Variants in KAT6B observed in about 807,000 individuals in gnomAD.
KAT6B encodes lysine acetyltransferase 6B, also known as histone acetyltransferase KAT6B.
KAT6B carries 10 observed loss-of-function variants against 187.5 expected under a neutral mutation model. The observed-to-expected ratio is 0.05, with a 90% CI of 0.03 to 0.09. KAT6B has a LOEUF of 0.09. Among genes scored for constraint, KAT6B ranks in the 10% least tolerant of loss-of-function variants. KAT6B has a pLI of 1.00. For missense variants in KAT6B, 1,952 were observed against 2,558.9 expected, an observed-to-expected ratio of 0.76 and a Z score of 5.12; for synonymous variants, 861 against 926.8, an observed-to-expected ratio of 0.93 and a Z score of 1.29.
At chr10:75,020,837 C>T in intron 14 of KAT6B, 24 bp downstream of exon 14, 1 of 1,600,362 alleles carries the variant, frequency 6.2e-7, no homozygotes, top group Non-Finnish European at 8.6e-7. Context: ...CCCTGGGCAG[C>T]TCCGTGGCTC....
Position 75,030,358 on chromosome 10 carries a change from A to C in KAT6B, c.5534A>C (p.Asn1845Thr). ...TCCGCTGCTGTGACTTCCTATGCAA[A>C]CAGTGCCTCTTTGTCCACACCATTA... ...SHSAAVTSYA[N>T]SASLSTPLSN... Residue 1845 changes from asparagine to threonine, a missense_variant, in exon 18 of 18, where the codon AAC (asparagine) becomes ACC (threonine). Transcript: ENST00000287239. The surrounding 1 kb of genome is among the most constrained non-coding windows in gnomAD (Gnocchi z 4.8). 1 of 1,614,192 alleles carries C rather than the reference A, an allele frequency of 6.2e-7. No homozygotes were observed. The highest frequency in any genetic ancestry group is 1.1e-5 in the South Asian group (1 of 91,086).
Position 74,985,224 on chromosome 10 carries a change from G to A in KAT6B, c.2518G>A (p.Val840Ile). The A allele has an allele frequency of 6.2e-7, 1 of 1,614,022 alleles. No individual in the cohort carries two copies. ...TKNDEKGCHL[V>I]GYFSKEKLCQ... ...AAATGATGAAAAGGGCTGTCATCTGGTTGGATACTTCTCTAAGGTAAAACA... is the reference window on the plus strand; with the variant it reads ...AAATGATGAAAAGGGCTGTCATCTGATTGGATACTTCTCTAAGGTAAAACA... Residue 840 changes from valine to isoleucine, a missense_variant, in exon 12 of 18, where the codon GTT becomes ATT. Val to Ile is a conservative substitution (Grantham distance 29). Transcript: ENST00000287239.
At chr10:74,972,392 G>C in intron 6 of KAT6B, 115 bp from the exon 7 acceptor site, 1 of 753,518 alleles carries the variant, frequency 1.3e-6, no homozygotes, top group Non-Finnish European at 2.2e-6. Context: ...ATTTTTTGGA[G>C]TAAAGTTCAG....
chr10:74,857,593 A>G (rs1321447328), intron 3 of KAT6B, among the ~76,000 whole-genome samples: 1 of 152,220 alleles, frequency 6.6e-6, no homozygotes, highest in African/African-American at 2.4e-5. Flanking sequence ...TAGGAAGTAG[A>G]CATTTTTGGG....
chr10:74,950,206 A>G (rs1840222826), intron 3 of KAT6B, among the ~76,000 whole-genome samples: 2 of 152,362 alleles, frequency 1.3e-5, no homozygotes, highest in Non-Finnish European at 1.5e-5. Flanking sequence ...GTGTCTACTT[A>G]TGTCCAATTC....
chr10:74,833,865 T>A (rs756735697), intron 1 of KAT6B, among the ~76,000 whole-genome samples: 2 of 152,244 alleles, frequency 1.3e-5, no homozygotes, highest in Non-Finnish European at 2.9e-5. Flanking sequence ...AGTGTTACTC[T>A]AAAAAGATGG....
At chr10:74,844,184 T>G (rs554894229) in intron 3 of KAT6B, among the ~76,000 whole-genome samples, 2 of 151,686 alleles carry the variant, frequency 1.3e-5, no homozygotes, top group African/African-American at 4.8e-5. Context: ...AGACTTCTTA[T>G]TTTAATGGTG....
rs370039190 is a variant in KAT6B at position 74,829,456 on chromosome 10, G to GT, written c.-329+2687dup. Among the ~76,000 whole-genome samples the GT allele has an allele frequency of 8.8e-3, 1,234 of 139,962 alleles. 3 individuals carry two copies. Among genetic ancestry groups the GT allele is most frequent in the African/African-American group, 0.013 (516 of 38,620 alleles). The allele number at this position is 139,962 out of a possible 152,430, so 91.8% of individuals were successfully genotyped here. A position where few individuals can be genotyped will look rare whatever the true frequency, so the allele number is the denominator to read the frequency against. On this transcript the variant is annotated intron_variant, in intron 1 of 17. Coordinates refer to ENST00000287239, the MANE Select transcript of KAT6B (RefSeq NM_012330.4). ...ATTTGTACTGAGAGAAAAGGAAATA[G>GT]TTTTTTTTTTTTTTTTGAGACAGTC...
intron 13 of KAT6B, among the ~76,000 whole-genome samples, chr10:75,002,793 A>C (rs577474242): frequency 6.6e-6 from 1 of 152,366 alleles, no homozygotes; most frequent in Admixed American, 6.5e-5. Flanking sequence ...AAACATCATT[A>C]TGTGGTGCAT....
chr10:75,028,300 G>A (rs963042273), intron 17 of KAT6B, among the ~76,000 whole-genome samples, 189 bp from the exon 18 acceptor site: 3 of 152,056 alleles, frequency 2.0e-5, no homozygotes, highest in Non-Finnish European at 4.4e-5. Flanking sequence ...CCCAGGCCTA[G>A]GTTATTTACT....
intron 3 of KAT6B, among the ~76,000 whole-genome samples, chr10:74,875,144 T>C (rs1483134598): frequency 6.6e-6 from 1 of 152,212 alleles, no homozygotes; most frequent in Non-Finnish European, 1.5e-5. Context: ...TAATAGTCAT[T>C]TCAAGAACAA....
rs375472679 is a variant in KAT6B, at chr10:74,843,407, G to A, written c.550G>A (p.Ala184Thr). ...TTATGGGAGCTTAGATGGCAAAGGG[G>A]CACCTCAGTATCCCAGTGCATTCCC... Reference protein sequence around the residue: ...VNYGSLDGKGAPQYPSAFPSS... With the variant: ...VNYGSLDGKGTPQYPSAFPSS... The change falls in exon 3 of 18, where the codon GCA (alanine) becomes ACA (threonine). Residue 184 changes from alanine to threonine, a missense_variant. Coordinates refer to ENST00000287239, the MANE Select transcript of KAT6B (RefSeq NM_012330.4). The A allele has an allele frequency of 1.2e-5, 19 of 1,613,802 alleles. No homozygotes were observed. Among genetic ancestry groups the A allele is most frequent in the Non-Finnish European group, 1.6e-5 (19 of 1,179,966 alleles).
In KAT6B at chr10:74,909,192, G is replaced by A. The variant is rs565361403; in HGVS notation, c.622-50778G>A. On this transcript the variant is annotated intron_variant, in intron 3 of 17. Transcript: ENST00000287239. ...TCGAGACTAGCCTTGCCACAATGGC[G>A]AAACCCCATCTCTACTAAAAATACA... Among the ~76,000 whole-genome samples, 106 of 152,284 alleles carry A rather than the reference G, an allele frequency of 7.0e-4. 1 individual carries two copies. Among genetic ancestry groups the A allele is most frequent in the Non-Finnish European group, 9.7e-4 (66 of 68,018 alleles).
intron 3 of KAT6B, among the ~76,000 whole-genome samples, chr10:74,894,076 C>A (rs1845821448): frequency 3.9e-5 from 6 of 152,152 alleles, no homozygotes; most frequent in Admixed American, 3.9e-4. Context: ...AGCCTTTAAT[C>A]ATATTTTTCT....
intron 3 of KAT6B, among the ~76,000 whole-genome samples, chr10:74,867,240 A>T (rs970439240): frequency 6.6e-6 from 1 of 152,140 alleles, no homozygotes; most frequent in African/African-American, 2.4e-5. Flanking sequence ...GCCAATTGAG[A>T]TCTTTAAAAA....
At chr10:74,927,070 C>T (rs1246441333) in intron 3 of KAT6B, among the ~76,000 whole-genome samples, 1 of 152,216 alleles carries the variant, frequency 6.6e-6, no homozygotes, top group Non-Finnish European at 1.5e-5. Flanking sequence ...CCTTGTAATA[C>T]ACAGTCCAGA....
At chr10:74,965,426 G>C (rs1301320369) in intron 4 of KAT6B, among the ~76,000 whole-genome samples, 2 of 152,178 alleles carry the variant, frequency 1.3e-5, no homozygotes, top group Non-Finnish European at 2.9e-5. Context: ...ATGTGATCTG[G>C]AAGGGTGGGA....
At chr10:74,948,186 A>T (rs1317756603) in intron 3 of KAT6B, among the ~76,000 whole-genome samples, 11 of 152,294 alleles carry the variant, frequency 7.2e-5, no homozygotes, top group Admixed American at 5.9e-4. Flanking sequence ...TGCACACCAG[A>T]TGGTTTGTGT....
chr10:74,981,322 C>T (rs1339217225), intron 10 of KAT6B, among the ~76,000 whole-genome samples: 5 of 149,402 alleles, frequency 3.3e-5, no homozygotes, highest in African/African-American at 1.3e-4. Flanking sequence ...TTCCTTCCTT[C>T]CTTCCTTCCT....
Sources: gnomAD v4.1 joint callset for allele counts (sites outside exome capture counted in the v4.1 genomes callset) on GRCh38, gnomAD v4.1.1 for gene constraint, Gnocchi (gnomAD v3.1) non-coding constraint, MANE v1.5 for transcripts, NCBI Gene and HGNC (gene_info 2026-07-23, HGNC 2026-07-21) for gene names.